HEATR5B: variants seen among roughly 807,000 people sequenced by gnomAD.
The protein encoded by HEATR5B is HEAT repeat-containing protein 5B.
A neutral mutation model predicts 224.1 loss-of-function variants in HEATR5B; 156 were observed. The ratio of observed to expected loss-of-function variants is 0.70; its 90% CI spans 0.61 to 0.80. The LOEUF (loss-of-function observed/expected upper bound fraction) is 0.80. Ranked by LOEUF, HEATR5B falls within the 30% of genes least tolerant of loss-of-function variation. The pLI, the probability that HEATR5B is intolerant of heterozygous loss-of-function variation, is 0.00. For synonymous variants in HEATR5B, 1,027 were observed against 893.0 expected (o/e 1.15, Z -2.68); for missense variants, 2,323 against 2,535.5 (o/e 0.92, Z 1.80).
intron 33 of HEATR5B, among the ~76,000 whole-genome samples, chr2:36,997,283 C>CTG (rs1285258154): frequency 6.6e-6 from 1 of 152,128 alleles, no homozygotes; most frequent in Non-Finnish European, 1.5e-5. Flanking sequence ...TTCTCGAACT[C>CTG]AAGTGATCCT....
At chr2:37,013,731 A>G (rs1667936263) in intron 27 of HEATR5B, 110 bp downstream of exon 27, 1 of 769,082 alleles carries the variant, frequency 1.3e-6, no homozygotes, top group Admixed American at 2.8e-5. Context: ...ATTCCATATC[A>G]AGGGTTAGTT....
At chr2:37,073,004 A>G (rs1671998928) in intron 5 of HEATR5B, among the ~76,000 whole-genome samples, 2 of 152,326 alleles carry the variant, frequency 1.3e-5, no homozygotes, top group African/African-American at 4.8e-5. Context: ...AGATGCCTAC[A>G]CCAGTGAATT....
At chr2:37,059,053 T>C (rs1050214654) in intron 12 of HEATR5B, 66 bp from the exon 13 acceptor site, 11 of 1,001,098 alleles carry the variant, frequency 1.1e-5, no homozygotes, top group Admixed American at 2.1e-5. Context: ...ATTTATAAAA[T>C]TGTATAAATA....
Position 37,060,610 on chromosome 2 carries a change from G to T in HEATR5B, c.1820C>A (p.Thr607Asn). Residue 607 changes from threonine (T) to asparagine (N), a missense_variant, in exon 12 of 36, where the codon ACT (threonine) becomes AAT (asparagine). Physicochemically the swap from Thr to Asn is moderately conservative, Grantham distance 65 (BLOSUM62 0). Transcript: ENST00000233099. ...ARGDSFTWQV[T>N]LEGRAGALCA... ...TAGAGCTCCAGCACGACCTTCCAAA[G>T]TTACCTGCCAGGTAAAAGAATCGCC... is the stretch of plus-strand genomic sequence containing the variant. 2.5e-6 allele frequency: 4 copies of T among 1,613,770 alleles called. No homozygotes were observed. Among genetic ancestry groups the T allele is most frequent in the Non-Finnish European group, 3.4e-6 (4 of 1,179,794 alleles).
chr2:37,027,889 T>C (rs1413391604), intron 24 of HEATR5B, 34 bp downstream of exon 24: 17 of 1,603,608 alleles, frequency 1.1e-5, no homozygotes, highest in Non-Finnish European at 1.4e-5. Flanking sequence ...GGTGTAAAAA[T>C]GCTTTGGGGA....
At chr2:36,986,445 G>A (rs548153794) in intron 35 of HEATR5B, among the ~76,000 whole-genome samples, 1 of 152,126 alleles carries the variant, frequency 6.6e-6, no homozygotes, top group African/African-American at 2.4e-5. Flanking sequence ...TACTGGCATA[G>A]TTCTGGATTA....
chr2:37,060,006 A>G (rs901217946), intron 12 of HEATR5B, among the ~76,000 whole-genome samples: 6 of 152,172 alleles, frequency 3.9e-5, no homozygotes, highest in African/African-American at 1.4e-4. Context: ...TAAACCAAAA[A>G]AGAACTGGTA....
chr2:37,031,085 C>T (rs1346777607), intron 22 of HEATR5B, among the ~76,000 whole-genome samples: 2 of 152,220 alleles, frequency 1.3e-5, no homozygotes, highest in East Asian at 1.9e-4. Flanking sequence ...TGGGAGAATA[C>T]ATTACACACA....
At chr2:37,009,166 G>A (rs1667626621) in intron 27 of HEATR5B, among the ~76,000 whole-genome samples, 1 of 150,278 alleles carries the variant, frequency 6.7e-6, no homozygotes, top group African/African-American at 2.4e-5. Flanking sequence ...GCTGAGGCAG[G>A]GGAATCGCTT....
intron 4 of HEATR5B, 68 bp from the exon 5 acceptor site, chr2:37,075,702 G>C (rs1672186466): frequency 7.8e-7 from 1 of 1,277,100 alleles, no homozygotes; most frequent in Non-Finnish European, 1.1e-6. Flanking sequence ...AACACACCAA[G>C]ACAAAAGTTC....
chr2:37,065,944 G>A (rs776816727), intron 8 of HEATR5B, 34 bp from the exon 9 acceptor site: 1 of 1,572,506 alleles, frequency 6.4e-7, no homozygotes, highest in South Asian at 1.1e-5. Flanking sequence ...TGACATAGGA[G>A]AAATGAATTG....
chr2:36,990,562 T>G, intron 34 of HEATR5B, 86 bp downstream of exon 34: 1 of 1,217,682 alleles, frequency 8.2e-7, no homozygotes. Flanking sequence ...CTTTTCATTA[T>G]GTATCACATA....
rs747897973 is a variant in HEATR5B, at chr2:37,028,098, G to A, written c.3678C>T (p.Thr1226=). Residue 1226 remains threonine (T), a synonymous_variant, in exon 24 of 36, where the codon ACC becomes ACT. Transcript: ENST00000233099. ...CTTCTTCACCTAACGTGGTAAACAT[G>A]GTATCATCATCCATCTCATCTTTCT... ...AEKKDEMDDD[T]MFTTLGEEDK... 5.6e-6 allele frequency: 9 copies of A among 1,613,234 alleles called. No homozygotes were observed. Among genetic ancestry groups the A allele is most frequent in the Non-Finnish European group, 7.6e-6 (9 of 1,179,270 alleles).
At chr2:37,072,533 A>C (rs1671968702) in intron 5 of HEATR5B, among the ~76,000 whole-genome samples, 1 of 152,204 alleles carries the variant, frequency 6.6e-6, no homozygotes, top group Admixed American at 6.5e-5. Flanking sequence ...TGTAACACTA[A>C]ACCACCACAT....
At chr2:36,982,861 GATAC>G (rs1406249659) in intron 35 of HEATR5B, among the ~76,000 whole-genome samples, 1 of 58,514 alleles carries the variant, frequency 1.7e-5, no homozygotes, top group African/African-American at 6.9e-5. Flanking sequence ...AACAGACACA[GATAC>G]ACACACACAC....
chr2:37,055,257 C>G (rs1346648002), intron 16 of HEATR5B: 1 of 161,694 alleles, frequency 6.2e-6, no homozygotes, highest in Non-Finnish European at 1.3e-5. Context: ...TTCACTTATC[C>G]TCCTACTGTT....
chr2:37,057,153 T>G (rs963481678), intron 15 of HEATR5B, among the ~76,000 whole-genome samples, 164 bp downstream of exon 15: 1 of 152,216 alleles, frequency 6.6e-6, no homozygotes, highest in South Asian at 2.1e-4. Context: ...TCTTCCTGTT[T>G]AACTTTTTTC....
Position 37,049,848 on chromosome 2 carries a change from A to AT in HEATR5B, c.2506-6dup, listed in dbSNP as rs771548275. The AT allele has an allele frequency of 4.4e-6, 6 of 1,376,606 alleles. No individual in the cohort carries two copies. Among genetic ancestry groups the AT allele is most frequent in the Admixed American group, 3.2e-5 (1 of 30,826 alleles). The allele number at this position is 1,376,606 out of a possible 1,614,324, so 85.3% of individuals were successfully genotyped here. A position where few individuals can be genotyped will look rare whatever the true frequency, so the allele number is the denominator to read the frequency against. On this transcript the variant is annotated splice_polypyrimidine_tract_variant and splice_region_variant and intron_variant, in intron 17 of 35. Transcript: ENST00000233099. ...ACTTTTGTTTTCAGCTAAGCCCTAC[A>AT]TTAAAAAAAAAAAAAAAAAAAAGAC...
chr2:37,031,796 GT>G lies in HEATR5B; in HGVS notation c.3361+832del, dbSNP rs1170511473. The stretch of plus-strand genomic sequence containing the variant: ...TCTAGGCATTAGAAAACTTTTATAA[GT>G]AAAAAATTTCCCTCATAATAGGGGA... On this transcript the variant is annotated intron_variant, in intron 22 of 35. Coordinates refer to ENST00000233099, the MANE Select transcript of HEATR5B (RefSeq NM_019024.3). 3.3e-5 allele frequency among the ~76,000 whole-genome samples: 5 copies of G among 152,120 alleles called. No homozygotes were observed. In the East Asian group the frequency reaches 9.6e-4, roughly 29 times the overall value.
Sources: allele counts gnomAD v4.1 joint callset (sites outside exome capture counted in the v4.1 genomes callset), GRCh38; gene constraint gnomAD v4.1.1; transcripts MANE v1.5; gene names NCBI Gene and HGNC (gene_info 2026-07-23, HGNC 2026-07-21).